Variants in ZNF536 observed in about 807,000 individuals in gnomAD.
ZNF536 encodes zinc finger protein 536.
A neutral mutation model predicts 84.5 loss-of-function variants in ZNF536; 13 were observed. The ratio of observed to expected loss-of-function variants is 0.15; its 90% confidence interval spans 0.10 to 0.24. The LOEUF (loss-of-function observed/expected upper bound fraction) is 0.24, where lower values mean the gene tolerates loss of function less well. Ranked by LOEUF, ZNF536 falls within the 10% of genes least tolerant of loss-of-function variation. The pLI is 1.00. For synonymous variants in ZNF536, 811 were observed against 742.5 expected (o/e 1.09, Z -1.50); for missense variants, 1,536 against 1,747.5 (o/e 0.88, Z 2.16).
chr19:30,315,996 A>AT (rs2046665945), intron 2 of ZNF536, among the ~76,000 whole-genome samples: 1 of 152,170 alleles, frequency 6.6e-6, no homozygotes, highest in Non-Finnish European at 1.5e-5. Flanking sequence ...TCTGTGTGGT[A>AT]TGGCATATTC....
chr19:30,246,885 T>G (rs1400795465), intron 1 of ZNF536, among the ~76,000 whole-genome samples: 1 of 152,234 alleles, frequency 6.6e-6, no homozygotes, highest in Non-Finnish European at 1.5e-5. Flanking sequence ...GAAGACACTA[T>G]TATTCAAAGC....
At chr19:30,276,448 G>A (rs1166006335) in intron 1 of ZNF536, among the ~76,000 whole-genome samples, 1 of 152,092 alleles carries the variant, frequency 6.6e-6, no homozygotes, top group Admixed American at 6.6e-5. Context: ...CAGTGTAAAT[G>A]AGGTCATTTC....
chr19:30,549,576 T>C, intron 4 of ZNF536, 62 bp downstream of exon 4: 1 of 1,419,176 alleles, frequency 7.0e-7, no homozygotes. Context: ...GAATTGTGCA[T>C]TTAAAAAAAT....
intron 1 of ZNF536, among the ~76,000 whole-genome samples, chr19:30,443,215 G>C (rs535607043): frequency 6.6e-6 from 1 of 152,080 alleles, no homozygotes; most frequent in Non-Finnish European, 1.5e-5. Flanking sequence ...GTACAGGTGC[G>C]ACAATGGGGC....
intron 2 of ZNF536, among the ~76,000 whole-genome samples, chr19:30,518,902 G>A (rs1043731493): frequency 2.6e-5 from 4 of 152,194 alleles, no homozygotes; most frequent in Non-Finnish European, 5.9e-5. Context: ...GGAGAGCCTG[G>A]ATTGCAGGCT....
chr19:30,287,588 G>A (rs7408128), intron 2 of ZNF536, among the ~76,000 whole-genome samples: 1 of 148,472 alleles, frequency 6.7e-6, no homozygotes, highest in Non-Finnish European at 1.5e-5. Context: ...ATGGATGGAT[G>A]GATAGATGGA....
chr19:30,708,575 G>A (rs573006653), intron 1 of ZNF536, among the ~76,000 whole-genome samples: 5 of 152,286 alleles, frequency 3.3e-5, no homozygotes, highest in South Asian at 2.1e-4. Context: ...AAGGCCACCC[G>A]CGGGCTGCCA....
chr19:30,323,122 G>A (rs1193891261), intron 2 of ZNF536, among the ~76,000 whole-genome samples: 1 of 151,992 alleles, frequency 6.6e-6, no homozygotes, highest in African/African-American at 2.4e-5. Context: ...CACTCCCCAG[G>A]GCCAGGGAGC....
intron 2 of ZNF536, among the ~76,000 whole-genome samples, chr19:30,323,981 A>G (rs2046939873): frequency 6.7e-6 from 1 of 149,934 alleles, no homozygotes. Context: ...TCAATCAACT[A>G]CCCCCTTATT....
At chr19:30,589,700 T>C (rs2047212965) in intron 1 of ZNF536, among the ~76,000 whole-genome samples, 1 of 152,144 alleles carries the variant, frequency 6.6e-6, no homozygotes. Context: ...AAGGTAGAGC[T>C]GGGCTTAGAG....
chr19:30,684,125 A>G (rs1232967393), intron 1 of ZNF536, among the ~76,000 whole-genome samples: 2 of 152,108 alleles, frequency 1.3e-5, no homozygotes, highest in African/African-American at 4.8e-5. Flanking sequence ...ATGTACACAC[A>G]CACACACATA....
intron 1 of ZNF536, among the ~76,000 whole-genome samples, chr19:30,670,138 G>A (rs2050488387): frequency 1.3e-5 from 2 of 152,218 alleles, no homozygotes; most frequent in South Asian, 4.1e-4. Context: ...CTGGCGGAAG[G>A]AGGGGTACGT....
chr19:30,476,957 G>A (rs971233329), intron 2 of ZNF536, among the ~76,000 whole-genome samples: 1 of 147,456 alleles, frequency 6.8e-6, no homozygotes, highest in Non-Finnish European at 1.5e-5. Context: ...TACTTGCTGG[G>A]TTTTTTTTTT....
chr19:30,281,854 T>A (rs992633078), intron 1 of ZNF536, among the ~76,000 whole-genome samples: 27 of 152,246 alleles, frequency 1.8e-4, no homozygotes, highest in African/African-American at 6.3e-4. Flanking sequence ...TGCACCAAAC[T>A]GGGCTCATGG....
intron 2 of ZNF536, among the ~76,000 whole-genome samples, chr19:30,351,804 C>A (rs1463386698): frequency 6.6e-6 from 1 of 152,194 alleles, no homozygotes; most frequent in South Asian, 2.1e-4. Flanking sequence ...AGCAGAAAGC[C>A]TGTCCTCTCT....
chr19:30,652,418 C>T (rs180803814), intron 1 of ZNF536, among the ~76,000 whole-genome samples: 1 of 152,150 alleles, frequency 6.6e-6, no homozygotes, highest in African/African-American at 2.4e-5. Context: ...ACTGACACCA[C>T]TAAATGTCGT....
At chr19:30,600,052 TTTTG>T (rs1035651048) in intron 1 of ZNF536, among the ~76,000 whole-genome samples, 11 of 150,778 alleles carry the variant, frequency 7.3e-5, no homozygotes, top group East Asian at 1.9e-4. Flanking sequence ...GTTTTTTTTT[TTTTG>T]TTGTTGTTGT....
At chr19:30,359,442 C>T (rs958398503) in intron 3 of ZNF536, among the ~76,000 whole-genome samples, 5 of 152,228 alleles carry the variant, frequency 3.3e-5, no homozygotes, top group Admixed American at 6.5e-5. Context: ...AATATGGCTG[C>T]GCCACAGGGA....
intron 1 of ZNF536, among the ~76,000 whole-genome samples, chr19:30,571,549 T>TAA (rs2046546365): frequency 6.6e-6 from 1 of 152,182 alleles, no homozygotes; most frequent in African/African-American, 2.4e-5. Flanking sequence ...GCAGAGAAAG[T>TAA]AACTTGGAAG....
Sources: allele counts gnomAD v4.1 joint callset (sites outside exome capture counted in the v4.1 genomes callset), GRCh38; gene constraint gnomAD v4.1.1; transcripts MANE v1.5; gene names NCBI Gene and HGNC (gene_info 2026-07-23, HGNC 2026-07-21).